The following LYSMD2 variants were observed in gnomAD, a reference collection of about 807,000 sequenced individuals.
The protein encoded by LYSMD2 is lysM and putative peptidoglycan-binding domain-containing protein 2.
LYSMD2 carries 6 observed loss-of-function variants against 17.7 expected under a neutral mutation model. The ratio of observed to expected loss-of-function variants is 0.34; its 90% CI spans 0.19 to 0.67. The LOEUF (loss-of-function observed/expected upper bound fraction) is 0.67. Among genes scored for constraint, LYSMD2 ranks in the 30% least tolerant of loss-of-function variants. LYSMD2 has a pLI of 0.69. For missense variants in LYSMD2, 237 were observed against 286.7 expected, an observed-to-expected ratio of 0.83 and a Z score of 1.25; for synonymous variants, 102 against 129.8, an observed-to-expected ratio of 0.79 and a Z score of 1.45.
intron 1 of LYSMD2, among the ~76,000 whole-genome samples, chr15:51,746,996 A>G (rs2055670962): frequency 6.9e-6 from 1 of 145,418 alleles, no homozygotes; most frequent in Middle Eastern, 3.2e-3. Flanking sequence ...CCTAGCCAAC[A>G]TGGTGAAACC....
Position 51,737,557 on chromosome 15 carries a change from G to T in LYSMD2, c.66C>A (p.Ala22=), listed in dbSNP as rs1024670462. ...AGCGCGAGCGCGGCGGCGGCGAGGG[G>T]GCCGAGGGCCGCGGCGCGCGGGGGC... is the stretch of plus-strand genomic sequence containing the variant. The part of the protein sequence containing the change: ...EGGPRAPRPS[A]PSPPPRSRSG... Residue 22 remains alanine, a synonymous_variant, in exon 1 of 3, where the codon GCC becomes GCA. Transcript: ENST00000267838. This position sits in a 1 kb window ranked among gnomAD's most constrained non-coding sequence, Gnocchi z 4.2. 1.6e-6 allele frequency: 2 copies of T among 1,223,048 alleles called. No homozygotes were observed. Among genetic ancestry groups the T allele is most frequent in the African/African-American group, 3.2e-5 (2 of 63,442 alleles). 75.8% of individuals were successfully genotyped at this position (1,223,048 alleles called of 1,614,324 possible).
upstream of LYSMD2, among the ~76,000 whole-genome samples, chr15:51,738,859 T>C (rs987253056): frequency 6.6e-5 from 10 of 152,178 alleles, no homozygotes; most frequent in South Asian, 1.9e-3. Context: ...AAAACCTACA[T>C]TGGCATTCAA....
At chr15:51,748,909 G>A (rs1324687241) in intron 1 of LYSMD2, among the ~76,000 whole-genome samples, 1 of 152,154 alleles carries the variant, frequency 6.6e-6, no homozygotes. Context: ...TTCCTAATGA[G>A]GTGTGCTACA....
At chr15:51,735,102 C>A (rs968590617) in intron 1 of LYSMD2, among the ~76,000 whole-genome samples, 1 of 151,972 alleles carries the variant, frequency 6.6e-6, no homozygotes, top group East Asian at 1.9e-4. Context: ...TGAGCAGCGG[C>A]AGCTGAGGCT....
At chr15:51,736,428 T>C (rs1325568306) in intron 1 of LYSMD2, among the ~76,000 whole-genome samples, 1 of 152,200 alleles carries the variant, frequency 6.6e-6, no homozygotes, top group Non-Finnish European at 1.5e-5. Context: ...TAGGTAAACA[T>C]ATACCGGCTT....
At position 51,724,781 on chromosome 15, in the gene LYSMD2, T is replaced by A; in HGVS notation, c.605+9A>T. ...TTAGACTTTGACATTTGTACCAGGGTATTCTTACCTGCTCTCTTCTTTTAG... is the reference window on the plus strand; with the variant it reads ...TTAGACTTTGACATTTGTACCAGGGAATTCTTACCTGCTCTCTTCTTTTAG... On this transcript the variant is annotated intron_variant, in intron 2 of 2. Transcript: ENST00000267838. 1 of 1,598,030 alleles carries A rather than the reference T, an allele frequency of 6.3e-7. No individual in the cohort carries two copies. Among genetic ancestry groups the A allele is most frequent in the Non-Finnish European group, 8.6e-7 (1 of 1,169,050 alleles).
upstream of LYSMD2, among the ~76,000 whole-genome samples, chr15:51,738,973 C>T (rs768279420): frequency 3.9e-5 from 6 of 152,186 alleles, no homozygotes; most frequent in Non-Finnish European, 7.4e-5. Flanking sequence ...TGAAACTGGC[C>T]TCCTTGTTCC....
chr15:51,727,263 C>G (rs1270143057), intron 1 of LYSMD2, among the ~76,000 whole-genome samples: 1 of 152,164 alleles, frequency 6.6e-6, no homozygotes, highest in Non-Finnish European at 1.5e-5. Context: ...ACGGCATTAC[C>G]CAGGTCCCCT....
At chr15:51,724,662 GAA>G (rs915995903) in intron 2 of LYSMD2, 126 bp downstream of exon 2, 1 of 561,368 alleles carries the variant, frequency 1.8e-6, no homozygotes, top group Admixed American at 4.0e-5. Context: ...AAGAAAAAAA[GAA>G]AAAAAATCAG....
At chr15:51,736,217 T>A (rs2055607701) in intron 1 of LYSMD2, among the ~76,000 whole-genome samples, 1 of 152,190 alleles carries the variant, frequency 6.6e-6, no homozygotes, top group Admixed American at 6.5e-5. Flanking sequence ...AGAGGGTAGC[T>A]ACTGGTATTT....
chr15:51,735,477 G>C (rs998515113), intron 1 of LYSMD2, among the ~76,000 whole-genome samples: 10 of 152,170 alleles, frequency 6.6e-5, no homozygotes, highest in Non-Finnish European at 1.5e-4. Flanking sequence ...GGACAACCCC[G>C]TGCAACAAAG....
chr15:51,750,471 G>C (rs2055692985), intron 1 of LYSMD2, among the ~76,000 whole-genome samples: 1 of 152,084 alleles, frequency 6.6e-6, no homozygotes, highest in Non-Finnish European at 1.5e-5. Context: ...CCATCCCTTT[G>C]GTTCATTTTC....
In LYSMD2 at chr15:51,725,087, G is replaced by A; in HGVS notation, c.308C>T (p.Thr103Ile). Residue 103 changes from threonine (T) to isoleucine (I), a missense_variant, in exon 2 of 3, where the codon ACC becomes ATC. Transcript: ENST00000267838. ...EQIKRANKLF[T>I]NDCIFLKKTL... Reference sequence around the variant, plus strand: ...TTTCTTCAGAAATATACAATCATTGGTAAACAGTTTATTGGCCCTTTTAAT... The same window carrying A: ...TTTCTTCAGAAATATACAATCATTGATAAACAGTTTATTGGCCCTTTTAAT... The A allele has an allele frequency of 6.2e-7, 1 of 1,610,110 alleles. No homozygotes were observed. The highest frequency in any genetic ancestry group is 8.5e-7 in the Non-Finnish European group (1 of 1,177,038).
chr15:51,723,373 G>T lies in LYSMD2; in HGVS notation c.*234C>A. 2.5e-6 allele frequency: 1 copy of T among 399,180 alleles called. No individual in the cohort carries two copies. 24.7% of individuals were successfully genotyped at this position (399,180 alleles called of 1,614,324 possible). On this transcript the variant is annotated 3_prime_UTR_variant, in exon 3 of 3. Transcript: ENST00000267838. Reference sequence around the variant, plus strand: ...CTAAAAACTAACACCACCTACAAAAGTGATGAGCTTTAGGCTACAACCTTG... The same window carrying T: ...CTAAAAACTAACACCACCTACAAAATTGATGAGCTTTAGGCTACAACCTTG...
At chr15:51,737,658 C>T (rs962040436), upstream of LYSMD2, 2 of 1,201,492 alleles carry the variant, frequency 1.7e-6, no homozygotes, top group African/African-American at 1.6e-5. The surrounding 1 kb of genome is among the most constrained non-coding windows in gnomAD (Gnocchi z 4.2). Flanking sequence ...GGGAGCTTGC[C>T]AAGGGGGCGG....
At chr15:51,734,557 TG>T (rs200402221) in intron 1 of LYSMD2, among the ~76,000 whole-genome samples, 2,715 of 152,300 alleles carry the variant, frequency 0.018, 38 homozygotes, top group Non-Finnish European at 0.027. Context: ...GACACCCAGC[TG>T]GGTGGCTGAG....
chr15:51,728,293 T>C (rs143575850), intron 1 of LYSMD2, among the ~76,000 whole-genome samples: 4,771 of 151,310 alleles, frequency 0.032, 121 homozygotes, highest in Non-Finnish European at 0.05. Context: ...GTGGCGCATG[T>C]CTGTAATTCC....
At chr15:51,726,374 C>T (rs2055540264) in intron 1 of LYSMD2, among the ~76,000 whole-genome samples, 1 of 152,196 alleles carries the variant, frequency 6.6e-6, no homozygotes, top group South Asian at 2.1e-4. Context: ...TTTAGGACCC[C>T]TAGATCTTGC....
intron 1 of LYSMD2, among the ~76,000 whole-genome samples, chr15:51,726,973 T>C (rs2055543944): frequency 6.6e-6 from 1 of 152,114 alleles, no homozygotes. Context: ...TATTAATTCT[T>C]TGAGGGCAAG....
Sources: allele counts gnomAD v4.1 joint callset (sites outside exome capture counted in the v4.1 genomes callset), GRCh38; gene constraint gnomAD v4.1.1; non-coding constraint Gnocchi (gnomAD v3.1); transcripts MANE v1.5; gene names NCBI Gene and HGNC (gene_info 2026-07-23, HGNC 2026-07-21).